Variants in METTL15 observed in about 807,000 individuals in gnomAD.
METTL15 encodes the protein 12S rRNA N(4)-cytidine methyltransferase METTL15.
A neutral mutation model predicts 38.3 loss-of-function variants in METTL15; 34 were observed. The observed-to-expected ratio is 0.89, with a 90% CI of 0.68 to 1.18. The LOEUF (loss-of-function observed/expected upper bound fraction) is 1.18, where lower values mean the gene tolerates loss of function less well. METTL15 is among the 50% of genes most tolerant of loss of function. The pLI, the probability that METTL15 is intolerant of heterozygous loss-of-function variation, is 0.00. For missense variants in METTL15, 438 were observed against 498.4 expected (o/e 0.88, Z 1.15); for synonymous variants, 162 against 170.9 (o/e 0.95, Z 0.41).
intron 4 of METTL15, among the ~76,000 whole-genome samples, chr11:28,268,725 A>C (rs1190606814): frequency 6.6e-6 from 1 of 152,196 alleles, no homozygotes; most frequent in Non-Finnish European, 1.5e-5. Flanking sequence ...TATATGAAAT[A>C]ACATAAACCA....
At chr11:28,366,446 G>C (rs1002749816) in intron 5 of METTL15, among the ~76,000 whole-genome samples, 1 of 152,020 alleles carries the variant, frequency 6.6e-6, no homozygotes, top group Non-Finnish European at 1.5e-5. Context: ...TAGGAGCAAT[G>C]AGTAGAAACT....
intron 6 of METTL15, among the ~76,000 whole-genome samples, chr11:28,441,468 A>C (rs973329271): frequency 4.6e-5 from 7 of 152,016 alleles, no homozygotes; most frequent in African/African-American, 1.7e-4. Flanking sequence ...TTACTCCTGA[A>C]TTTTCAGTTG....
Position 28,273,973 on chromosome 11 carries a change from C to A in METTL15, c.408-16233C>A, listed in dbSNP as rs374498706. On this transcript the variant is annotated intron_variant, in intron 4 of 6. Coordinates refer to ENST00000407364, the MANE Select transcript of METTL15 (RefSeq NM_001113528.2). The stretch of plus-strand genomic sequence containing the variant: ...AAGATCTACATAAACTAAGCTAATG[C>A]CTGGTTGGGGAGATTATTTCGTACT... Among the ~76,000 whole-genome samples, 4 of 152,078 alleles carry A rather than the reference C, an allele frequency of 2.6e-5. No homozygotes were observed. The East Asian group carries it at 5.8e-4, about 22-fold the overall frequency.
chr11:28,471,129 C>G (rs1851299992), intron 6 of METTL15, among the ~76,000 whole-genome samples: 1 of 152,046 alleles, frequency 6.6e-6, no homozygotes, highest in Admixed American at 6.6e-5. Flanking sequence ...CTAGTTGGGT[C>G]TTTTCTCACC....
At chr11:28,340,618 T>C (rs1849942593) in intron 3 of METTL15, among the ~76,000 whole-genome samples, 1 of 152,158 alleles carries the variant, frequency 6.6e-6, no homozygotes, top group Non-Finnish European at 1.5e-5. Flanking sequence ...AAGACCACAA[T>C]GAGATACCAT....
intron 3 of METTL15, among the ~76,000 whole-genome samples, chr11:28,342,693 T>C (rs544283549): frequency 5.9e-5 from 9 of 152,218 alleles, no homozygotes; most frequent in Non-Finnish European, 1.3e-4. Flanking sequence ...AGATGACTTT[T>C]AAGGCTTCTT....
intron 3 of METTL15, among the ~76,000 whole-genome samples, chr11:28,180,894 A>T (rs1312287172): frequency 6.6e-6 from 1 of 151,798 alleles, no homozygotes; most frequent in Non-Finnish European, 1.5e-5. Flanking sequence ...ATTTTCAGTT[A>T]TTGTTGGTAA....
intron 4 of METTL15, among the ~76,000 whole-genome samples, chr11:28,259,412 A>G (rs1034884892): frequency 6.6e-6 from 1 of 152,092 alleles, no homozygotes; most frequent in Non-Finnish European, 1.5e-5. Context: ...GTACCCGCCA[A>G]GTCCAGTGAT....
chr11:28,168,902 A>G (rs1242246276), intron 3 of METTL15, among the ~76,000 whole-genome samples: 1 of 152,164 alleles, frequency 6.6e-6, no homozygotes, highest in Non-Finnish European at 1.5e-5. Context: ...AGCGTAAGAC[A>G]GAAGATGGAA....
chr11:28,334,189 C>T (rs1384111056), downstream of METTL15, among the ~76,000 whole-genome samples: 4 of 151,936 alleles, frequency 2.6e-5, no homozygotes, highest in African/African-American at 9.7e-5. Flanking sequence ...TTTTTATATA[C>T]CATCCCTTCT....
intron 3 of METTL15, among the ~76,000 whole-genome samples, chr11:28,351,856 A>G (rs1410584987): frequency 2.0e-5 from 3 of 152,232 alleles, no homozygotes; most frequent in Non-Finnish European, 2.9e-5. Context: ...GTTGCAAGAG[A>G]CTGTTTACGT....
chr11:28,270,832 C>T (rs935521175), intron 4 of METTL15, among the ~76,000 whole-genome samples: 4 of 152,144 alleles, frequency 2.6e-5, no homozygotes, highest in Non-Finnish European at 5.9e-5. Flanking sequence ...GCTTTAGAAT[C>T]ATAATACCTG....
At chr11:28,242,977 A>T (rs924484992) in intron 4 of METTL15, among the ~76,000 whole-genome samples, 6 of 152,080 alleles carry the variant, frequency 3.9e-5, no homozygotes, top group African/African-American at 1.2e-4. Flanking sequence ...GCTAATAGAG[A>T]TTAAACTTTC....
chr11:28,141,019 C>T (rs1849681495), intron 3 of METTL15, among the ~76,000 whole-genome samples: 1 of 152,148 alleles, frequency 6.6e-6, no homozygotes, highest in South Asian at 2.1e-4. Flanking sequence ...GCCCGATGCC[C>T]AGAAAGTTAA....
chr11:28,211,011 A>G, intron 3 of METTL15, 51 bp from the exon 4 acceptor site: 2 of 1,549,296 alleles, frequency 1.3e-6, no homozygotes, highest in Non-Finnish European at 1.7e-6. Context: ...AGTTGTCAAG[A>G]ATAAGTTTTG....
intron 4 of METTL15, among the ~76,000 whole-genome samples, chr11:28,265,214 G>A (rs1004543404): frequency 1.3e-5 from 2 of 151,604 alleles, no homozygotes; most frequent in African/African-American, 4.8e-5. Flanking sequence ...CTGTTTAGTG[G>A]ATCATAGGGA....
intron 6 of METTL15, among the ~76,000 whole-genome samples, chr11:28,506,282 A>C (rs930907692): frequency 6.6e-6 from 1 of 152,124 alleles, no homozygotes; most frequent in Admixed American, 6.6e-5. Context: ...CCCTATTTTG[A>C]TATTTCCTGT....
At chr11:28,262,311 GACT>G (rs1289973719) in intron 4 of METTL15, among the ~76,000 whole-genome samples, 1 of 150,694 alleles carries the variant, frequency 6.6e-6, no homozygotes, top group African/African-American at 2.4e-5. Context: ...ACATATATAT[GACT>G]ACTATGTAAT....
chr11:28,514,200 C>T (rs938398400), intron 6 of METTL15, among the ~76,000 whole-genome samples: 2 of 152,134 alleles, frequency 1.3e-5, no homozygotes, highest in Admixed American at 6.5e-5. Context: ...GTAATTGTTT[C>T]GGGGATGGGC....
Sources: gnomAD v4.1 joint callset for allele counts (sites outside exome capture counted in the v4.1 genomes callset) on GRCh38, gnomAD v4.1.1 for gene constraint, MANE v1.5 for transcripts, NCBI Gene and HGNC (gene_info 2026-07-23, HGNC 2026-07-21) for gene names.